Variants in VKORC1L1 observed in about 807,000 individuals in gnomAD.
The protein encoded by VKORC1L1 is vitamin K epoxide reductase complex subunit 1-like protein 1.
VKORC1L1 carries 2 observed loss-of-function variants against 18.9 expected under a neutral mutation model. The observed-to-expected ratio is 0.11, with a 90% CI of 0.04 to 0.33. The LOEUF (loss-of-function observed/expected upper bound fraction) is 0.33, where lower values mean the gene tolerates loss of function less well. Ranked by LOEUF, VKORC1L1 falls within the 10% of genes least tolerant of loss-of-function variation. The probability of loss-of-function intolerance (pLI) is 1.00; values close to 1 mark genes in which losing one functional copy is unlikely to be tolerated. For synonymous variants in VKORC1L1, 96 were observed against 100.0 expected (o/e 0.96, Z 0.24); for missense variants, 123 against 224.1 (o/e 0.55, Z 2.88).
At chr7:65,866,470 G>A in the VKORC1L1 span, among the ~76,000 whole-genome samples, 1 of 152,110 alleles carries the variant, frequency 6.6e-6, no homozygotes, top group Non-Finnish European at 1.5e-5. Flanking sequence ...TGTGGACTGT[G>A]GGCAAATTAA....
rs763528215 is a variant in VKORC1L1, at chr7:65,873,355, G to A, written c.-17G>A. 26 of 1,490,272 alleles carry A rather than the reference G, an allele frequency of 1.7e-5. No individual in the cohort carries two copies. The highest frequency in any genetic ancestry group is 2.5e-4 in the Middle Eastern group (1 of 4,050). The allele number at this position is 1,490,272 out of a possible 1,614,324, so 92.3% of individuals were successfully genotyped here. On this transcript the variant is annotated 5_prime_UTR_variant, in exon 1 of 3. Coordinates refer to ENST00000360768, the MANE Select transcript of VKORC1L1 (RefSeq NM_173517.6). ...GAGGTGGAGGCGGAGGGAGGCGGCGGCGGCGGCGGCGGGAAGATGGCGGCT... is the reference window on the plus strand; with the variant it reads ...GAGGTGGAGGCGGAGGGAGGCGGCGACGGCGGCGGCGGGAAGATGGCGGCT...
chr7:65,905,552 A>C (rs969927771), intron 1 of VKORC1L1, among the ~76,000 whole-genome samples: 1 of 151,628 alleles, frequency 6.6e-6, no homozygotes, highest in Non-Finnish European at 1.5e-5. Flanking sequence ...CTCGTGATCC[A>C]CCCTCCTCGG....
rs143716001 is a variant in VKORC1L1, at chr7:65,938,537, C to T, written c.195-10134C>T. ...ACTCAACTCCCACAACAAGGCACAT[C>T]CTTTGTGAAATTTGAGAATGCCCAG... On this transcript the variant is annotated intron_variant, in intron 1 of 2. Transcript: ENST00000360768. 1.4e-3 allele frequency among the ~76,000 whole-genome samples: 209 copies of T among 152,306 alleles called. 3 individuals are homozygous for T. In the East Asian group the frequency reaches 0.024, roughly 17 times the overall value.
At chr7:65,897,000 C>T (rs1389788037) in intron 1 of VKORC1L1, among the ~76,000 whole-genome samples, 1 of 152,112 alleles carries the variant, frequency 6.6e-6, no homozygotes, top group Non-Finnish European at 1.5e-5. Flanking sequence ...CAAGACTCCT[C>T]ATCTCATAAA....
At chr7:65,877,071 A>G (rs564272348) in intron 1 of VKORC1L1, among the ~76,000 whole-genome samples, 1 of 152,094 alleles carries the variant, frequency 6.6e-6, no homozygotes, top group African/African-American at 2.4e-5. Context: ...AAAAAAACCT[A>G]CTTTGCCAGA....
chr7:65,875,968 C>T (rs756817993), intron 1 of VKORC1L1, among the ~76,000 whole-genome samples: 2 of 152,114 alleles, frequency 1.3e-5, no homozygotes, highest in East Asian at 1.9e-4. Context: ...AATCCAAACA[C>T]GGTAAGGTAG....
intron 1 of VKORC1L1, among the ~76,000 whole-genome samples, chr7:65,939,721 G>A (rs1011885825): frequency 6.6e-6 from 1 of 152,284 alleles, no homozygotes; most frequent in East Asian, 1.9e-4. Context: ...CCAGAGCAGC[G>A]ACAGGGAAGC....
intron 1 of VKORC1L1, among the ~76,000 whole-genome samples, chr7:65,895,475 A>G (rs1583831017): frequency 2.3e-5 from 1 of 42,814 alleles, no homozygotes; most frequent in Non-Finnish European, 3.9e-5. Flanking sequence ...AAAAAAAAAA[A>G]AAAAAATATA....
upstream of VKORC1L1, among the ~76,000 whole-genome samples, chr7:65,871,247 G>C (rs181387259): frequency 6.6e-6 from 1 of 152,016 alleles, no homozygotes; most frequent in Non-Finnish European, 1.5e-5. Flanking sequence ...CCAGGCTGGA[G>C]TGCAATGGTG....
chr7:65,908,596 GGGAGGTCAA>G (rs1479490579), intron 1 of VKORC1L1, among the ~76,000 whole-genome samples: 1 of 152,116 alleles, frequency 6.6e-6, no homozygotes, highest in Non-Finnish European at 1.5e-5. Context: ...CCGGCACTTT[GGGAGGTCAA>G]GGCAGGTGGA....
chr7:65,869,290 C>T (rs1316132147), upstream of VKORC1L1, among the ~76,000 whole-genome samples: 8 of 151,014 alleles, frequency 5.3e-5, no homozygotes, highest in East Asian at 7.7e-4. Context: ...CTCCAGCCTG[C>T]GTGACAGAGC....
chr7:65,894,765 G>T (rs1451727911), intron 1 of VKORC1L1, among the ~76,000 whole-genome samples: 2 of 151,786 alleles, frequency 1.3e-5, no homozygotes, highest in East Asian at 2.0e-4. Context: ...AAGTAAATTG[G>T]CCAGGCATAG....
At chr7:65,925,018 G>A (rs1033553568) in intron 1 of VKORC1L1, among the ~76,000 whole-genome samples, 7 of 152,140 alleles carry the variant, frequency 4.6e-5, no homozygotes, top group African/African-American at 7.2e-5. Flanking sequence ...TACTCCATCC[G>A]TAATCTTCCC....
upstream of VKORC1L1, among the ~76,000 whole-genome samples, chr7:65,871,181 T>TCTTC (rs1326342380): frequency 6.6e-6 from 1 of 151,962 alleles, no homozygotes; most frequent in Non-Finnish European, 1.5e-5. Flanking sequence ...ATTTTCTTTT[T>TCTTC]CTTTCTTTCT....
At chr7:65,895,935 G>A (rs970662184) in intron 1 of VKORC1L1, among the ~76,000 whole-genome samples, 1 of 115,950 alleles carries the variant, frequency 8.6e-6, no homozygotes, top group African/African-American at 3.5e-5. Context: ...GTCTCCCTCT[G>A]TCCAGGCTGG....
intron 1 of VKORC1L1, among the ~76,000 whole-genome samples, chr7:65,887,180 C>G (rs1211562996): frequency 4.6e-5 from 7 of 152,000 alleles, no homozygotes; most frequent in Non-Finnish European, 1.0e-4. Flanking sequence ...TCCAAACTTT[C>G]AGTCATTAGA....
chr7:65,950,388 A>G (rs1790193425), intron 2 of VKORC1L1, among the ~76,000 whole-genome samples: 2 of 152,042 alleles, frequency 1.3e-5, no homozygotes, highest in South Asian at 2.1e-4. Context: ...ATCTTGTTGC[A>G]TACCAATGCT....
At chr7:65,872,968 C>A (rs1421486457), upstream of VKORC1L1, among the ~76,000 whole-genome samples, 28 of 147,526 alleles carry the variant, frequency 1.9e-4, no homozygotes, top group East Asian at 3.2e-3. Context: ...GGCTCCGCCC[C>A]TCCCCACCCC....
intron 1 of VKORC1L1, among the ~76,000 whole-genome samples, chr7:65,881,455 G>A (rs2116332941): frequency 6.6e-6 from 1 of 152,266 alleles, no homozygotes; most frequent in South Asian, 2.1e-4. Context: ...AACCTGCAGA[G>A]ATGGAGAACA....
Sources: allele counts gnomAD v4.1 joint callset (sites outside exome capture counted in the v4.1 genomes callset), GRCh38; gene constraint gnomAD v4.1.1; transcripts MANE v1.5; gene names NCBI Gene and HGNC (gene_info 2026-07-23, HGNC 2026-07-21).